Variants in POFUT4 observed in about 807,000 individuals in gnomAD.
POFUT4 encodes the protein protein O-fucosyltransferase 4, also known as GDP-fucose protein O-fucosyltransferase 4.
At chr10:73,773,762 C>T in the POFUT4 span, 9 of 1,606,166 alleles carry the variant, frequency 5.6e-6, no homozygotes, top group South Asian at 4.4e-5. Flanking sequence ...ACATGGACTG[C>T]CCAGTGCCCA....
chr10:73,778,088 T>A, the POFUT4 span, among the ~76,000 whole-genome samples: 2 of 149,898 alleles, frequency 1.3e-5, no homozygotes, highest in South Asian at 4.2e-4. Flanking sequence ...GGTCTCGGAC[T>A]CCTGACCTCA....
the POFUT4 span, chr10:73,775,861 T>C: frequency 9.4e-6 from 6 of 640,460 alleles, no homozygotes; most frequent in East Asian, 1.4e-4. Context: ...AGGTCTAACA[T>C]AGGGCCTCTC....
chr10:73,778,838 G>T, the POFUT4 span: 1 of 152,090 alleles, frequency 6.6e-6, no homozygotes, highest in African/African-American at 2.4e-5. Context: ...AAAAGAACAA[G>T]AGGGAAGACA....
chr10:73,773,059 G>A, the POFUT4 span: 1 of 1,554,788 alleles, frequency 6.4e-7, no homozygotes, highest in Non-Finnish European at 8.6e-7. Flanking sequence ...AGGGCGGGCC[G>A]GAGGGAAGGA....
chr10:73,775,687 T>G, the POFUT4 span: 7 of 1,614,058 alleles, frequency 4.3e-6, no homozygotes, highest in Non-Finnish European at 5.9e-6. Flanking sequence ...CATCTCTAAG[T>G]GCCCTTGCAA....
the POFUT4 span, chr10:73,772,623 A>T: frequency 6.4e-7 from 1 of 1,560,560 alleles, no homozygotes; most frequent in South Asian, 1.2e-5. Flanking sequence ...GAGCGCATCG[A>T]GTGTGCGCGC....
chr10:73,772,881 G>A, the POFUT4 span: 2 of 1,612,152 alleles, frequency 1.2e-6, no homozygotes, highest in Non-Finnish European at 1.7e-6. Context: ...TCGCTGCAGT[G>A]GCTGCCCGGG....
the POFUT4 span, chr10:73,775,786 C>T: frequency 8.3e-7 from 1 of 1,203,994 alleles, no homozygotes; most frequent in Non-Finnish European, 1.2e-6. Context: ...TGAACACTGT[C>T]TTTTCATGGA....
the POFUT4 span, chr10:73,775,948 G>C: frequency 1.3e-5 from 6 of 467,940 alleles, no homozygotes; most frequent in Admixed American, 1.1e-4. Flanking sequence ...GATTCAAGGT[G>C]CTGGTCCAAC....
chr10:73,772,547 G>T, the POFUT4 span: 3 of 1,572,982 alleles, frequency 1.9e-6, no homozygotes, highest in East Asian at 7.2e-5. Context: ...GAGGGAGGAG[G>T]CGGGGGACTT....
At chr10:73,773,376 C>T in the POFUT4 span, 2 of 1,614,238 alleles carry the variant, frequency 1.2e-6, no homozygotes, top group Non-Finnish European at 1.7e-6. Context: ...TCCCATGCAC[C>T]TGGGCGCTGT....
the POFUT4 span, chr10:73,773,541 A>C: frequency 6.2e-7 from 1 of 1,614,260 alleles, no homozygotes; most frequent in East Asian, 2.2e-5. Context: ...CCTGGCATAC[A>C]AGCAACCTGG....
At chr10:73,772,593 C>A in the POFUT4 span, 3 of 1,578,900 alleles carry the variant, frequency 1.9e-6, no homozygotes, top group East Asian at 4.7e-5. Flanking sequence ...GGGCTATTCC[C>A]CCACTTCCCG....
chr10:73,772,950 G>A, the POFUT4 span: 1 of 1,606,584 alleles, frequency 6.2e-7, no homozygotes, highest in South Asian at 1.1e-5. Flanking sequence ...TGGCGCCGCC[G>A]CGGCTACGCG....
the POFUT4 span, among the ~76,000 whole-genome samples, chr10:73,776,987 A>T: frequency 6.6e-6 from 1 of 152,062 alleles, no homozygotes; most frequent in Admixed American, 6.6e-5. Context: ...CCTCAAATAC[A>T]TTTTTTTAAT....
the POFUT4 span, among the ~76,000 whole-genome samples, chr10:73,778,449 G>A: frequency 6.7e-6 from 1 of 148,638 alleles, no homozygotes; most frequent in Non-Finnish European, 1.5e-5. Context: ...AAACCCTTCT[G>A]TTGCTGTGGT....
At chr10:73,772,991 G>A in the POFUT4 span, 51 of 1,596,110 alleles carry the variant, frequency 3.2e-5, no homozygotes, top group Non-Finnish European at 4.3e-5. Flanking sequence ...ACACTGCGAC[G>A]TGCCAGCGGA....
the POFUT4 span, chr10:73,773,644 AGTGTTT>A: frequency 6.2e-7 from 1 of 1,614,226 alleles, no homozygotes; most frequent in Non-Finnish European, 8.5e-7. Context: ...AACGGCTTCG[AGTGTTT>A]CGTCTGTGAC....
chr10:73,775,368 C>G, the POFUT4 span: 1 of 1,521,512 alleles, frequency 6.6e-7, no homozygotes, highest in Non-Finnish European at 9.0e-7. Flanking sequence ...GACTTACTGC[C>G]TGTCGCTTGG....
Sources: allele counts gnomAD v4.1 joint callset (sites outside exome capture counted in the v4.1 genomes callset), GRCh38; gene constraint gnomAD v4.1.1; transcripts MANE v1.5; gene names NCBI Gene and HGNC (gene_info 2026-07-23, HGNC 2026-07-21).